ITGA6: variants seen among roughly 807,000 people sequenced by gnomAD.
The protein encoded by ITGA6 is integrin alpha-6.
A neutral mutation model predicts 133.6 loss-of-function variants in ITGA6; 63 were observed. The observed-to-expected ratio is 0.47, with a 90% CI of 0.38 to 0.58. The LOEUF (loss-of-function observed/expected upper bound fraction) is 0.58, where lower values mean the gene tolerates loss of function less well. Ranked by LOEUF, ITGA6 falls within the 20% of genes least tolerant of loss-of-function variation. ITGA6 has a pLI of 0.00. For missense variants in ITGA6, 1,068 were observed against 1,309.4 expected (o/e 0.82, Z 2.85); for synonymous variants, 434 against 482.0 (o/e 0.90, Z 1.30).
intron 23 of ITGA6, among the ~76,000 whole-genome samples, chr2:172,493,896 C>T (rs1559154660): frequency 2.6e-5 from 4 of 152,170 alleles, no homozygotes. Flanking sequence ...GTGAGGTTCT[C>T]TTGGGCATTT....
rs1574426741 is a variant in ITGA6 at position 172,505,069 on chromosome 2, G to C, written c.*1001G>C. On this transcript the variant is annotated 3_prime_UTR_variant, in exon 26 of 26. Coordinates refer to ENST00000684293, the MANE Select transcript of ITGA6 (RefSeq NM_000210.4). ...AAAATCTTTATAAATGTACCAGAGA[G>C]AGTTGTTTTAATAACTTATCTATAA... The C allele has an allele frequency of 6.6e-6, 1 of 152,610 alleles. No individual in the cohort carries two copies. Among genetic ancestry groups the C allele is most frequent in the Admixed American group, 6.5e-5 (1 of 15,274 alleles). The allele number at this position is 152,610 out of a possible 1,614,324, so 9.5% of individuals were successfully genotyped here.
chr2:172,478,187 A>G (rs1686262606), intron 9 of ITGA6, among the ~76,000 whole-genome samples: 1 of 152,220 alleles, frequency 6.6e-6, no homozygotes, highest in Non-Finnish European at 1.5e-5. Flanking sequence ...ATGTAAAATA[A>G]AAATAGAATG....
chr2:172,501,100 T>C (rs925453881), intron 24 of ITGA6, among the ~76,000 whole-genome samples: 22 of 152,178 alleles, frequency 1.4e-4, no homozygotes, highest in African/African-American at 5.1e-4. Flanking sequence ...TAGTAGAAAG[T>C]GGAATTATAC....
chr2:172,501,073 C>G (rs1428353794), intron 24 of ITGA6, among the ~76,000 whole-genome samples: 2 of 152,110 alleles, frequency 1.3e-5, no homozygotes, highest in African/African-American at 4.8e-5. Flanking sequence ...TTCTCTATCA[C>G]TGAACGAAGG....
chr2:172,471,903 A>G (rs1389281544), intron 5 of ITGA6, among the ~76,000 whole-genome samples: 1 of 139,276 alleles, frequency 7.2e-6, no homozygotes, highest in African/African-American at 2.8e-5. Flanking sequence ...TTTAAAAAAA[A>G]AAAAAGAAAG....
At chr2:172,432,973 T>C (rs1684166355) in intron 1 of ITGA6, among the ~76,000 whole-genome samples, 1 of 152,202 alleles carries the variant, frequency 6.6e-6, no homozygotes, top group Admixed American at 6.5e-5. Context: ...ATCTTGGATA[T>C]ATTTAACTCT....
intron 1 of ITGA6, among the ~76,000 whole-genome samples, chr2:172,432,790 G>T (rs994176840): frequency 6.6e-6 from 1 of 152,200 alleles, no homozygotes; most frequent in Non-Finnish European, 1.5e-5. Context: ...CTCGGGACTT[G>T]CTGAGGTGGT....
chr2:172,477,180 T>C (rs1429282707), intron 9 of ITGA6, among the ~76,000 whole-genome samples: 1 of 152,170 alleles, frequency 6.6e-6, no homozygotes, highest in Non-Finnish European at 1.5e-5. Context: ...ATTATTTCCT[T>C]ATTATAAATT....
chr2:172,433,073 C>T (rs1364906153), intron 1 of ITGA6, among the ~76,000 whole-genome samples: 2 of 152,172 alleles, frequency 1.3e-5, no homozygotes, highest in East Asian at 1.9e-4. Flanking sequence ...GTAGCACCCC[C>T]GCTGGCTCCT....
intron 1 of ITGA6, among the ~76,000 whole-genome samples, chr2:172,450,042 C>A (rs891560449): frequency 6.6e-6 from 1 of 151,774 alleles, no homozygotes; most frequent in East Asian, 1.9e-4. Context: ...GAAGCGACTG[C>A]GGTTACTCTG....
chr2:172,427,652 T>C lies in ITGA6; in HGVS notation c.-137T>C, dbSNP rs1000823821. 5 of 1,312,998 alleles carry C rather than the reference T, an allele frequency of 3.8e-6. No individual in the cohort carries two copies. Among genetic ancestry groups the C allele is most frequent in the Non-Finnish European group, 4.8e-6 (5 of 1,034,228 alleles). 81.3% of individuals were successfully genotyped at this position (1,312,998 alleles called of 1,614,324 possible). The stretch of plus-strand genomic sequence containing the variant: ...GCGGCCGGACGGAGAGCGCGACCCG[T>C]CCCGGGGGTGGGGCCGGGCGCAGCG... On this transcript the variant is annotated 5_prime_UTR_variant, in exon 1 of 26. Coordinates refer to ENST00000684293, the MANE Select transcript of ITGA6 (RefSeq NM_000210.4).
intron 1 of ITGA6, among the ~76,000 whole-genome samples, chr2:172,456,140 G>A (rs1685197615): frequency 6.6e-6 from 1 of 152,216 alleles, no homozygotes; most frequent in Admixed American, 6.5e-5. Flanking sequence ...TAGAGAGCAG[G>A]CACTTCCCCC....
At chr2:172,448,485 ATAT>A (rs972706584) in intron 1 of ITGA6, among the ~76,000 whole-genome samples, 2 of 152,174 alleles carry the variant, frequency 1.3e-5, no homozygotes, top group African/African-American at 4.8e-5. Context: ...AGTGTCTCTT[ATAT>A]TATTGTCTCT....
At chr2:172,485,381 AAT>A (rs1293142092) in intron 13 of ITGA6, 117 bp downstream of exon 13, 111 of 946,250 alleles carry the variant, frequency 1.2e-4, no homozygotes, top group Non-Finnish European at 5.7e-5. Context: ...CTTTTGTGTT[AAT>A]ATGTTTTTAA....
intron 1 of ITGA6, among the ~76,000 whole-genome samples, chr2:172,433,655 A>G (rs887970474): frequency 4.6e-5 from 7 of 152,192 alleles, no homozygotes; most frequent in Non-Finnish European, 1.0e-4. Flanking sequence ...TTCAATCTGC[A>G]TCTTCCCTGC....
At chr2:172,453,920 C>G (rs1378000508) in intron 1 of ITGA6, among the ~76,000 whole-genome samples, 1 of 152,144 alleles carries the variant, frequency 6.6e-6, no homozygotes, top group African/African-American at 2.4e-5. Flanking sequence ...GCCCCTGCCC[C>G]CATGGAGCTG....
At chr2:172,475,563 TTGTTAAAA>T (rs748740745) in intron 7 of ITGA6, 26 bp from the exon 8 acceptor site, 4 of 1,131,614 alleles carry the variant, frequency 3.5e-6, no homozygotes, top group Admixed American at 1.7e-5. Context: ...TCTAAAGCGT[TTGTTAAAA>T]TGTTAAAATG....
chr2:172,465,304 C>T (rs1484540811), intron 1 of ITGA6: 7 of 591,802 alleles, frequency 1.2e-5, no homozygotes, highest in African/African-American at 1.9e-5. Context: ...GAGAGACAGG[C>T]CTATTTTCCT....
chr2:172,480,021 G>T lies in ITGA6; in HGVS notation c.1519G>T (p.Ala507Ser), dbSNP rs771764369. 4 of 1,590,928 alleles carry T rather than the reference G, an allele frequency of 2.5e-6. No individual in the cohort carries two copies. The Admixed American group carries it at 5.0e-5, about 20-fold the overall frequency. The change falls in exon 11 of 26, where the codon GCT becomes TCT. Residue 507 changes from alanine to serine, a missense_variant. Ala to Ser is a moderately conservative substitution (Grantham distance 99, BLOSUM62 1). Transcript: ENST00000684293. Reference protein sequence around the residue: ...LQVKSCFEYTANPAGYNPSIS... With the variant: ...LQVKSCFEYTSNPAGYNPSIS... ...GGTTAAATCCTGTTTTGAATATACT[G>T]CTAACCCCGCTGGTTATAATCCTTC...
Sources: allele counts gnomAD v4.1 joint callset (sites outside exome capture counted in the v4.1 genomes callset), GRCh38; gene constraint gnomAD v4.1.1; transcripts MANE v1.5; gene names NCBI Gene and HGNC (gene_info 2026-07-23, HGNC 2026-07-21).